RPS6KA2: variants seen among roughly 807,000 people sequenced by gnomAD.
RPS6KA2 encodes ribosomal protein S6 kinase A2.
In RPS6KA2, 42 loss-of-function variants were observed where a neutral mutation model predicts 91.8. The observed-to-expected ratio is 0.46, with a 90% confidence interval of 0.36 to 0.59. The LOEUF is 0.59. Ranked by LOEUF, RPS6KA2 falls within the 20% of genes least tolerant of loss-of-function variation. The pLI, the probability that RPS6KA2 is intolerant of heterozygous loss-of-function variation, is 0.00. For missense variants in RPS6KA2, 798 were observed against 978.5 expected (o/e 0.82, Z 2.46); for synonymous variants, 414 against 393.6 (o/e 1.05, Z -0.61).
chr6:166,536,718 C>T (rs1455620864), intron 2 of RPS6KA2, among the ~76,000 whole-genome samples: 1 of 152,188 alleles, frequency 6.6e-6, no homozygotes, highest in Non-Finnish European at 1.5e-5. Flanking sequence ...TGGCCCATTC[C>T]GTAATCCCTG....
intron 1 of RPS6KA2, among the ~76,000 whole-genome samples, chr6:166,553,605 C>T (rs1784086698): frequency 6.6e-6 from 1 of 151,910 alleles, no homozygotes; most frequent in Non-Finnish European, 1.5e-5. Context: ...ACTCACTGAC[C>T]CGCCCCGCCA....
chr6:166,796,680 T>C (rs1779233802), intron 2 of RPS6KA2, among the ~76,000 whole-genome samples: 1 of 152,270 alleles, frequency 6.6e-6, no homozygotes. Flanking sequence ...CTTTCCCTGC[T>C]AAGTTGGTTC....
At chr6:166,556,376 C>A (rs1784178719) in intron 1 of RPS6KA2, among the ~76,000 whole-genome samples, 2 of 152,204 alleles carry the variant, frequency 1.3e-5, no homozygotes, top group African/African-American at 4.8e-5. Context: ...ATGACTTTTC[C>A]CCCTACTACC....
chr6:166,767,856 G>A lies in RPS6KA2; in HGVS notation c.123+90344C>T, dbSNP rs1778362911. Among the ~76,000 whole-genome samples, 1 of 151,826 alleles carries A rather than the reference G, an allele frequency of 6.6e-6. No individual in the cohort carries two copies. Among genetic ancestry groups the A allele is most frequent in the African/African-American group, 2.4e-5 (1 of 41,316 alleles). On this transcript the variant is annotated intron_variant, in intron 2 of 21. Coordinates refer to the RPS6KA2 transcript ENST00000503859. The surrounding 1 kb of genome is among the most constrained non-coding windows in gnomAD (Gnocchi z 4.6). ...GCCGGCCACCACAGAGTGTGTGCGG[G>A]GATTGCTAACCATGGCAGAGCCTGC...
chr6:166,774,223 T>C lies in RPS6KA2; in HGVS notation c.123+83977A>G, dbSNP rs144641302. On this transcript the variant is annotated intron_variant, in intron 2 of 21. Coordinates refer to the RPS6KA2 transcript ENST00000503859. ...GCCAAATTTTATAACACAAAAGGTG[T>C]TCCGTGTGCTCACAGCACCCCTGCT... Among the ~76,000 whole-genome samples, 3 of 152,322 alleles carry C rather than the reference T, an allele frequency of 2.0e-5. No homozygotes were observed. In the East Asian group the frequency reaches 5.8e-4, roughly 29 times the overall value.
At chr6:166,432,694 A>G (rs1341798449) in intron 14 of RPS6KA2, among the ~76,000 whole-genome samples, 3 of 152,212 alleles carry the variant, frequency 2.0e-5, no homozygotes, top group African/African-American at 7.2e-5. Context: ...ATTTACATCT[A>G]CAAAGAGGAG....
chr6:166,714,742 CA>C lies in RPS6KA2; in HGVS notation c.123+143457del, dbSNP rs1789963915. On this transcript the variant is annotated intron_variant, in intron 2 of 21. Coordinates refer to the RPS6KA2 transcript ENST00000503859. ...GCCTCAGCAGGAGCCCACTCTGCCACACCTCCAACTCGGACTTCCAGCCTCT... is the reference window on the plus strand; with the variant it reads ...GCCTCAGCAGGAGCCCACTCTGCCACCCTCCAACTCGGACTTCCAGCCTCT... Among the ~76,000 whole-genome samples, 4 of 152,272 alleles carry C rather than the reference CA, an allele frequency of 2.6e-5. No individual in the cohort carries two copies. In the South Asian group the frequency reaches 8.3e-4, roughly 32 times the overall value.
intron 2 of RPS6KA2, among the ~76,000 whole-genome samples, chr6:166,657,497 G>A (rs368838091): frequency 9.2e-5 from 14 of 152,318 alleles, no homozygotes; most frequent in African/African-American, 3.4e-4. Context: ...AGAGGAATAC[G>A]TCCTCATTGC....
rs147093186 is a variant in RPS6KA2 at position 166,451,733 on chromosome 6, C to T, written c.1076-500G>A. 5.8e-3 allele frequency among the ~76,000 whole-genome samples: 887 copies of T among 152,370 alleles called. 4 individuals carry two copies. Among genetic ancestry groups the T allele is most frequent in the Middle Eastern group, 0.017 (5 of 294 alleles). On this transcript the variant is annotated intron_variant, in intron 12 of 20. Coordinates refer to ENST00000265678, the MANE Select transcript of RPS6KA2 (RefSeq NM_021135.6). ...GCATGTGTGCTGTGCACGTGCTCTG[C>T]TCTCCAAGGACATTTGGGCAACGTT...
intron 2 of RPS6KA2, among the ~76,000 whole-genome samples, chr6:166,637,912 G>A (rs545734206): frequency 2.6e-5 from 4 of 152,376 alleles, no homozygotes; most frequent in East Asian, 3.9e-4. Context: ...GCCTGAGGGC[G>A]GGGCTGAGGG....
chr6:166,451,110 A>G lies in RPS6KA2; in HGVS notation c.1199T>C (p.Ile400Thr), dbSNP rs1779898047. 6.2e-7 allele frequency: 1 copy of G among 1,614,004 alleles called. No individual in the cohort carries two copies. Among genetic ancestry groups the G allele is most frequent in the Non-Finnish European group, 8.5e-7 (1 of 1,179,924 alleles). ...QDLHKVPVHP[I>T]VQQLHGNNIH... ...GCAGGCAAACACAGTTACCTGCACG[A>G]TTGGGTGAACTGGGACTTTGTGCAG... Residue 400 changes from isoleucine (I) to threonine (T), a missense_variant, in exon 13 of 21, where the codon ATC becomes ACC. By Grantham distance (89) the Ile-to-Thr change is moderately conservative. Coordinates refer to ENST00000265678, the MANE Select transcript of RPS6KA2 (RefSeq NM_021135.6).
chr6:166,532,826 TGA>T (rs3839531), intron 2 of RPS6KA2, among the ~76,000 whole-genome samples: 114 of 148,952 alleles, frequency 7.7e-4, no homozygotes, highest in African/African-American at 1.6e-3. Context: ...GTGTGGAGTG[TGA>T]GAGAGAGAGA....
Position 166,533,713 on chromosome 6 carries a change from G to T in RPS6KA2, c.217-2400C>A, listed in dbSNP as rs148519383. 6.6e-6 allele frequency among the ~76,000 whole-genome samples: 1 copy of T among 152,210 alleles called. No homozygotes were observed. The highest frequency in any genetic ancestry group is 1.5e-5 in the Non-Finnish European group (1 of 68,028). On this transcript the variant is annotated intron_variant, in intron 2 of 20. Coordinates refer to ENST00000265678, the MANE Select transcript of RPS6KA2 (RefSeq NM_021135.6). The surrounding 1 kb of genome is among the most constrained non-coding windows in gnomAD (Gnocchi z 4.0). The stretch of plus-strand genomic sequence containing the variant: ...CTCCAGCCCATGGTGGACTTTGGTA[G>T]GGTGACAGATGAATCTATCCATTCC...
chr6:166,842,899 C>T (rs1359108858), intron 2 of RPS6KA2, among the ~76,000 whole-genome samples: 3 of 152,168 alleles, frequency 2.0e-5, no homozygotes, highest in African/African-American at 7.2e-5. Context: ...AGAGAATCCA[C>T]GGACCCTTTG....
chr6:166,588,174 C>A (rs1195186596), intron 1 of RPS6KA2, among the ~76,000 whole-genome samples: 4 of 152,090 alleles, frequency 2.6e-5, no homozygotes, highest in African/African-American at 4.8e-5. Context: ...ATCCCAGGGC[C>A]CTCACCCTCC....
intron 1 of RPS6KA2, among the ~76,000 whole-genome samples, chr6:166,611,924 GC>G (rs1424546696): frequency 6.6e-6 from 1 of 152,140 alleles, no homozygotes; most frequent in East Asian, 1.9e-4. Flanking sequence ...GGGCACACAC[GC>G]CCAGGATGCA....
intron 11 of RPS6KA2, among the ~76,000 whole-genome samples, chr6:166,461,777 G>A (rs1780317840): frequency 6.6e-6 from 1 of 152,206 alleles, no homozygotes; most frequent in Admixed American, 6.5e-5. Context: ...CCGGAAAGCA[G>A]GGGCCCACAT....
In RPS6KA2 at chr6:166,411,333, T is replaced by C. The variant is rs1778295802; in HGVS notation, c.*1429A>G. ...GGCCAGCGGGCACCTCCTGAAGCCCTGCTTGCTGCAGAGGCGCCGCTCTTC... is the reference window on the plus strand; with the variant it reads ...GGCCAGCGGGCACCTCCTGAAGCCCCGCTTGCTGCAGAGGCGCCGCTCTTC... On this transcript the variant is annotated 3_prime_UTR_variant, in exon 21 of 21. Transcript: ENST00000265678. The surrounding 1 kb of genome is among the most constrained non-coding windows in gnomAD (Gnocchi z 4.5). 1 of 152,062 alleles carries C rather than the reference T, an allele frequency of 6.6e-6. No homozygotes were observed. Among genetic ancestry groups the C allele is most frequent in the African/African-American group, 2.4e-5 (1 of 41,416 alleles). 9.4% of individuals were successfully genotyped at this position (152,062 alleles called of 1,614,324 possible).
rs910378412 is a variant in RPS6KA2 at position 166,563,506 on chromosome 6, C to T, written c.100-24722G>A. Among the ~76,000 whole-genome samples the T allele has an allele frequency of 6.6e-6, 1 of 151,964 alleles. No homozygotes were observed. Among genetic ancestry groups the T allele is most frequent in the Non-Finnish European group, 1.5e-5 (1 of 67,996 alleles). On this transcript the variant is annotated intron_variant, in intron 1 of 20. Coordinates refer to ENST00000265678, the MANE Select transcript of RPS6KA2 (RefSeq NM_021135.6). This position sits in a 1 kb window ranked among gnomAD's most constrained non-coding sequence, Gnocchi z 4.1. ...GGCTCCCCCAGATGCCCAGCCTCAG[C>T]CTCCTGAGTGCTGTGCCTGCCCCCA... is the stretch of plus-strand genomic sequence containing the variant.
Sources: gnomAD v4.1 joint callset for allele counts (sites outside exome capture counted in the v4.1 genomes callset) on GRCh38, gnomAD v4.1.1 for gene constraint, Gnocchi (gnomAD v3.1) non-coding constraint, MANE v1.5 for transcripts, NCBI Gene and HGNC (gene_info 2026-07-23, HGNC 2026-07-21) for gene names.